Variants in COG7 observed in about 807,000 individuals in gnomAD.
COG7 encodes the protein component of oligomeric golgi complex 7, also known as conserved oligomeric Golgi complex subunit 7.
A neutral mutation model predicts 91.5 loss-of-function variants in COG7; 49 were observed. That is an observed-to-expected ratio of 0.54 (90% CI 0.43 to 0.68). The LOEUF (loss-of-function observed/expected upper bound fraction) is 0.68, where lower values mean the gene tolerates loss of function less well. Among genes scored for constraint, COG7 ranks in the 30% least tolerant of loss-of-function variants. The pLI is 0.00. For missense variants in COG7, 895 were observed against 961.3 expected, an observed-to-expected ratio of 0.93 and a Z score of 0.91; for synonymous variants, 365 against 388.7, an observed-to-expected ratio of 0.94 and a Z score of 0.72.
At chr16:23,427,551 A>T (rs907944039) in intron 6 of COG7, among the ~76,000 whole-genome samples, 3 of 151,960 alleles carry the variant, frequency 2.0e-5, no homozygotes, top group African/African-American at 7.2e-5. Context: ...CACCTACTGG[A>T]TGTCACCATT....
chr16:23,421,559 A>G (rs1230190187), intron 7 of COG7, among the ~76,000 whole-genome samples: 1 of 151,956 alleles, frequency 6.6e-6, no homozygotes, highest in Non-Finnish European at 1.5e-5. Flanking sequence ...GATACTTTTT[A>G]TCATGTAACT....
At chr16:23,431,783 T>A (rs1276277935) in intron 6 of COG7, among the ~76,000 whole-genome samples, 1 of 138,170 alleles carries the variant, frequency 7.2e-6, no homozygotes, top group Non-Finnish European at 1.5e-5. Flanking sequence ...CACTCCAGCC[T>A]GGGTGACAGA....
intron 6 of COG7, among the ~76,000 whole-genome samples, chr16:23,429,218 G>A (rs563963794): frequency 1.3e-5 from 2 of 152,056 alleles, no homozygotes; most frequent in South Asian, 4.2e-4. Flanking sequence ...TCAAACTTCT[G>A]GGCTCAAGCA....
At chr16:23,413,422 A>C (rs1395612905) in intron 10 of COG7, 26 bp downstream of exon 10, 1 of 1,128,610 alleles carries the variant, frequency 8.9e-7, no homozygotes, top group Non-Finnish European at 1.4e-6. Context: ...ATTAGGAACA[A>C]GCTTGAATTA....
chr16:23,408,911 G>A (rs1435236081), intron 11 of COG7, among the ~76,000 whole-genome samples: 1 of 151,820 alleles, frequency 6.6e-6, no homozygotes, highest in African/African-American at 2.4e-5. Context: ...GCAGCCCAGA[G>A]AGGCTGAAAG....
At chr16:23,429,393 A>C (rs993510156) in intron 6 of COG7, among the ~76,000 whole-genome samples, 11 of 150,704 alleles carry the variant, frequency 7.3e-5, no homozygotes, top group African/African-American at 2.7e-4. Context: ...CAAAAAAAAA[A>C]CCTACAGAAC....
chr16:23,408,897 T>C (rs535952602), intron 11 of COG7, among the ~76,000 whole-genome samples: 1 of 151,536 alleles, frequency 6.6e-6, no homozygotes, highest in Non-Finnish European at 1.5e-5. Flanking sequence ...CTGGGCTGCA[T>C]TTTGCAGCCC....
rs549564313 is a variant in COG7 at position 23,432,143 on chromosome 16, T to C, written c.810+1402A>G. Among the ~76,000 whole-genome samples, 122 of 152,178 alleles carry C rather than the reference T, an allele frequency of 8.0e-4. 3 individuals are homozygous for C. In the Middle Eastern group the frequency reaches 0.024, roughly 30 times the overall value. ...GCCTGCATGACAGAGCAAGACTCTG[T>C]CTCAAACAAAACAAAACAAAACAAA... On this transcript the variant is annotated intron_variant, in intron 6 of 16. Transcript: ENST00000307149.
intron 4 of COG7, among the ~76,000 whole-genome samples, chr16:23,437,388 G>A (rs989955943): frequency 1.3e-5 from 2 of 152,104 alleles, no homozygotes; most frequent in African/African-American, 2.4e-5. Context: ...AACCAGAAAA[G>A]TGAGCTCTGT....
intron 7 of COG7, among the ~76,000 whole-genome samples, chr16:23,420,387 T>C (rs1963734903): frequency 6.6e-6 from 1 of 152,176 alleles, no homozygotes; most frequent in African/African-American, 2.4e-5. Context: ...AATAGCCTAC[T>C]TACTGGTATC....
intron 11 of COG7, among the ~76,000 whole-genome samples, chr16:23,408,528 G>C (rs541150534): frequency 6.6e-6 from 1 of 151,662 alleles, no homozygotes; most frequent in Non-Finnish European, 1.5e-5. Context: ...TTCTTCTCAC[G>C]ATTCTTTGTT....
intron 14 of COG7, among the ~76,000 whole-genome samples, chr16:23,395,128 G>A (rs2142060172): frequency 6.6e-6 from 1 of 152,194 alleles, no homozygotes; most frequent in East Asian, 1.9e-4. Context: ...TTTATAAGAG[G>A]TACACAGATG....
At chr16:23,420,749 T>G (rs1351416125) in intron 7 of COG7, among the ~76,000 whole-genome samples, 1 of 151,284 alleles carries the variant, frequency 6.6e-6, no homozygotes, top group Non-Finnish European at 1.5e-5. Flanking sequence ...TCTTCTTCTT[T>G]TCTTTTTTCT....
intron 9 of COG7, chr16:23,416,024 ATTTT>A (rs574917600): frequency 6.6e-6 from 1 of 151,346 alleles, no homozygotes; most frequent in East Asian, 1.9e-4. Flanking sequence ...TATTATTTTG[ATTTT>A]TTTTTATTTT....
chr16:23,453,028 TAA>T lies in COG7; in HGVS notation c.-36_-35del, dbSNP rs752746063. The T allele has an allele frequency of 2.5e-6, 4 of 1,612,980 alleles. No individual in the cohort carries two copies. Among genetic ancestry groups the T allele is most frequent in the Admixed American group, 1.7e-5 (1 of 59,970 alleles). ...TGCCTCAGGCCTGGCGTCCAGAACT[TAA>T]GAGTTGGCTCCGGGCGGCAACGGGG... On this transcript the variant is annotated 5_prime_UTR_variant, in exon 1 of 17. Transcript: ENST00000307149.
intron 1 of COG7, among the ~76,000 whole-genome samples, chr16:23,452,537 G>A (rs1219452551): frequency 6.6e-6 from 1 of 152,132 alleles, no homozygotes; most frequent in Admixed American, 6.6e-5. Context: ...ACTGTAGAGA[G>A]ACCCTGTTTC....
intron 7 of COG7, among the ~76,000 whole-genome samples, chr16:23,424,530 C>A (rs1963812738): frequency 6.6e-6 from 1 of 152,162 alleles, no homozygotes; most frequent in Non-Finnish European, 1.5e-5. Context: ...GTAAGGCACC[C>A]AGGCAGCACT....
At position 23,388,698 on chromosome 16, in the gene COG7, C is replaced by A; in HGVS notation, c.*222G>T. ...TGTATTTTTAGTAGAGATGGGGTTT[C>A]ACCATGTTGGTCAGGCTGGTCTCGA... On this transcript the variant is annotated 3_prime_UTR_variant, in exon 17 of 17. Transcript: ENST00000307149. 2 of 431,498 alleles carry A rather than the reference C, an allele frequency of 4.6e-6. No homozygotes were observed. Among genetic ancestry groups the A allele is most frequent in the Non-Finnish European group, 7.6e-6 (2 of 263,128 alleles). The allele number at this position is 431,498 out of a possible 1,614,324, so 26.7% of individuals were successfully genotyped here.
At position 23,439,304 on chromosome 16, in the gene COG7, CAAAAAAAAAAA is replaced by C. The variant is rs904010571; in HGVS notation, c.604+3162_604+3172del. 6.2e-4 allele frequency among the ~76,000 whole-genome samples: 24 copies of C among 38,834 alleles called. No individual in the cohort carries two copies. The South Asian group carries it at 0.018, about 29-fold the overall frequency. 25.5% of individuals were successfully genotyped at this position (38,834 alleles called of 152,430 possible). On this transcript the variant is annotated intron_variant, in intron 4 of 16. Coordinates refer to ENST00000307149, the MANE Select transcript of COG7 (RefSeq NM_153603.4). Reference sequence around the variant, plus strand: ...GGGCAACAGAGTTAAACTGTGTCTCCAAAAAAAAAAAAAAAAAAAAAAAGATAAGCATATGA... The same window carrying C: ...GGGCAACAGAGTTAAACTGTGTCTCCAAAAAAAAAAAAGATAAGCATATGA...
Sources: allele counts gnomAD v4.1 joint callset (sites outside exome capture counted in the v4.1 genomes callset), GRCh38; gene constraint gnomAD v4.1.1; transcripts MANE v1.5; gene names NCBI Gene and HGNC (gene_info 2026-07-23, HGNC 2026-07-21).